OR4K17: variants seen among roughly 807,000 people sequenced by gnomAD.
The protein encoded by OR4K17 is olfactory receptor 4K17.
For missense variants in OR4K17, 480 were observed against 366.3 expected (o/e 1.31, Z -2.53); for synonymous variants, 157 against 132.8 (o/e 1.18, Z -1.25).
intron 1 of OR4K17, among the ~76,000 whole-genome samples, chr14:20,116,511 T>A (rs948720482): frequency 2.0e-5 from 3 of 152,164 alleles, no homozygotes; most frequent in African/African-American, 7.2e-5. Context: ...TAAATGTGAA[T>A]GGAGTTCTAG....
At chr14:20,113,725 G>C (rs191299568) in intron 1 of OR4K17, among the ~76,000 whole-genome samples, 69 of 151,976 alleles carry the variant, frequency 4.5e-4, no homozygotes, top group African/African-American at 1.7e-3. Context: ...ACCCTGCTTG[G>C]AGTGACTATA....
rs138358295 is a variant in OR4K17, at chr14:20,117,595, G to T, written c.96G>T (p.Ser32=). ...DVEFLLFALF[S]VIYVVTVLGN... is the part of the protein sequence containing the mutation. ...AGTTTCTTCTCTTTGCCCTCTTCTC[G>T]GTTATCTATGTGGTCACAGTTTTGG... is the stretch of plus-strand genomic sequence containing the variant. Residue 32 remains serine, a synonymous_variant, in exon 2 of 2, where the codon TCG becomes TCT. Coordinates refer to ENST00000641386, the MANE Select transcript of OR4K17 (RefSeq NM_001004715.5). 1 of 1,613,754 alleles carries T rather than the reference G, an allele frequency of 6.2e-7. No individual in the cohort carries two copies. The highest frequency in any genetic ancestry group is 1.1e-5 in the South Asian group (1 of 91,036).
At chr14:20,114,250 T>C (rs1877940196) in intron 1 of OR4K17, among the ~76,000 whole-genome samples, 1 of 152,040 alleles carries the variant, frequency 6.6e-6, no homozygotes, top group African/African-American at 2.4e-5. Context: ...TAATTTATTA[T>C]ATTTTTCCAT....
At position 20,118,599 on chromosome 14, in the gene OR4K17, A is replaced by T; in HGVS notation, c.*161A>T. On this transcript the variant is annotated 3_prime_UTR_variant, in exon 2 of 2. Coordinates refer to ENST00000641386, the MANE Select transcript of OR4K17 (RefSeq NM_001004715.5). Reference sequence around the variant, plus strand: ...TCTGAGAAATAAAGGGAAAGAATACAAAAGAGAGAAATTTTAAAGCTGGGT... The same window carrying T: ...TCTGAGAAATAAAGGGAAAGAATACTAAAGAGAGAAATTTTAAAGCTGGGT... 7.6e-6 allele frequency: 4 copies of T among 525,666 alleles called. No homozygotes were observed. The highest frequency in any genetic ancestry group is 1.3e-5 in the Non-Finnish European group (4 of 301,618). The allele number at this position is 525,666 out of a possible 1,614,324, so 32.6% of individuals were successfully genotyped here.
intron 1 of OR4K17, among the ~76,000 whole-genome samples, chr14:20,115,070 G>C (rs779494090): frequency 2.8e-4 from 43 of 151,834 alleles, no homozygotes; most frequent in Non-Finnish European, 5.3e-4. Flanking sequence ...CATAGTCTTG[G>C]GCATATTATT....
At chr14:20,117,414 T>C in intron 1 of OR4K17, 54 bp from the exon 2 acceptor site, 1 of 1,580,674 alleles carries the variant, frequency 6.3e-7, no homozygotes, top group Non-Finnish European at 8.5e-7. Flanking sequence ...CATATGGCTC[T>C]TTATTTTTCA....
rs117501345 is a variant in OR4K17 at position 20,117,205 on chromosome 14, G to T, written c.-32-263G>T. ...TCCTGAAGATGGTTCTATCTCTTTT[G>T]TCCTATGAAGATACACTTATATGCT... On this transcript the variant is annotated intron_variant, in intron 1 of 1. Transcript: ENST00000641386. Among the ~76,000 whole-genome samples, 728 of 152,214 alleles carry T rather than the reference G, an allele frequency of 4.8e-3. 8 individuals are homozygous for T. The highest frequency in any genetic ancestry group is 0.01 in the South Asian group (50 of 4,816).
At chr14:20,115,672 A>C (rs1877975779) in intron 1 of OR4K17, among the ~76,000 whole-genome samples, 3 of 152,026 alleles carry the variant, frequency 2.0e-5, no homozygotes, top group African/African-American at 7.2e-5. Flanking sequence ...TATATTTTAA[A>C]CTTTCTGAAG....
rs1878039975 is a variant in OR4K17, at chr14:20,117,809, C to T, written c.310C>T (p.Leu104Phe). The change falls in exon 2 of 2, where the codon CTT becomes TTT. Residue 104 changes from leucine to phenylalanine, a missense_variant. Coordinates refer to ENST00000641386, the MANE Select transcript of OR4K17 (RefSeq NM_001004715.5). ...FAGCFTQIFL[L>F]HLLGGVEMVL... ...TGGGTGCTTCACTCAGATATTTCTCCTTCACTTACTGGGTGGGGTTGAAAT... is the reference window on the plus strand; with the variant it reads ...TGGGTGCTTCACTCAGATATTTCTCTTTCACTTACTGGGTGGGGTTGAAAT... The T allele has an allele frequency of 6.2e-7, 1 of 1,614,116 alleles. No homozygotes were observed. The highest frequency in any genetic ancestry group is 2.2e-5 in the East Asian group (1 of 44,872).
chr14:20,119,610 CTTGGCTGACTTGAGG>C lies in OR4K17; in HGVS notation c.*1174_*1188del, dbSNP rs1878110884. The C allele has an allele frequency of 6.6e-6, 1 of 152,272 alleles. No individual in the cohort carries two copies. The allele number at this position is 152,272 out of a possible 1,614,324, so 9.4% of individuals were successfully genotyped here. ...CCGCAACAGAGCCAAGGCAGGTTGCCTTGGCTGACTTGAGGTCAGGAGTTTGAGACCAGCCTGGCC... is the reference window on the plus strand; with the variant it reads ...CCGCAACAGAGCCAAGGCAGGTTGCCTCAGGAGTTTGAGACCAGCCTGGCC... On this transcript the variant is annotated 3_prime_UTR_variant, in exon 2 of 2. Transcript: ENST00000641386.
intron 1 of OR4K17, among the ~76,000 whole-genome samples, chr14:20,114,105 T>A (rs1877936540): frequency 1.3e-5 from 2 of 152,026 alleles, no homozygotes; most frequent in African/African-American, 4.8e-5. Flanking sequence ...AAAGGATACA[T>A]TCTTTTTACA....
Position 20,118,342 on chromosome 14 carries a change from C to CT in OR4K17, c.845dup (p.Leu282PhefsTer28). On this transcript the variant is annotated frameshift_variant, in exon 2 of 2. Coordinates refer to ENST00000641386, the MANE Select transcript of OR4K17 (RefSeq NM_001004715.5). LOFTEE classifies it low-confidence loss of function (END_TRUNC). ...TGTTTTATACCATCATCACTCCTAT[C>CT]TTGAATCCAATTATCTATACTCTGA... 6.2e-7 allele frequency: 1 copy of CT among 1,612,056 alleles called. No homozygotes were observed. The highest frequency in any genetic ancestry group is 8.5e-7 in the Non-Finnish European group (1 of 1,178,192).
Position 20,118,570 on chromosome 14 carries a change from C to G in OR4K17, c.*132C>G. On this transcript the variant is annotated 3_prime_UTR_variant, in exon 2 of 2. Transcript: ENST00000641386. The stretch of plus-strand genomic sequence containing the variant: ...CTTTTCTATTTTCCCTAAGTGTTGA[C>G]TGGTCTGAGAAATAAAGGGAAAGAA... 1.7e-6 allele frequency: 1 copy of G among 597,818 alleles called. No homozygotes were observed. Among genetic ancestry groups the G allele is most frequent in the South Asian group, 2.2e-5 (1 of 44,626 alleles). The allele number at this position is 597,818 out of a possible 1,614,324, so 37.0% of individuals were successfully genotyped here. A position where few individuals can be genotyped will look rare whatever the true frequency, so the allele number is the denominator to read the frequency against.
At position 20,122,037 on chromosome 14, in the gene OR4K17, A is replaced by G. The variant is rs1036002196; in HGVS notation, c.*3599A>G. 6.6e-6 allele frequency: 1 copy of G among 152,130 alleles called. No individual in the cohort carries two copies. The highest frequency in any genetic ancestry group is 2.4e-5 in the African/African-American group (1 of 41,460). 9.4% of individuals were successfully genotyped at this position (152,130 alleles called of 1,614,324 possible). A position where few individuals can be genotyped will look rare whatever the true frequency, so the allele number is the denominator to read the frequency against. On this transcript the variant is annotated 3_prime_UTR_variant, in exon 2 of 2. Coordinates refer to ENST00000641386, the MANE Select transcript of OR4K17 (RefSeq NM_001004715.5). ...TTTTGTATAAGGGACTTAAGCATCT[A>G]TAGATTTTGATAATCACAGGGAGGT...
rs374774223 is a variant in OR4K17 at position 20,117,494 on chromosome 14, G to C, written c.-6G>C. 6.2e-7 allele frequency: 1 copy of C among 1,613,498 alleles called. No individual in the cohort carries two copies. Among genetic ancestry groups the C allele is most frequent in the South Asian group, 1.1e-5 (1 of 91,050 alleles). On this transcript the variant is annotated 5_prime_UTR_variant, in exon 2 of 2. Transcript: ENST00000641386. Reference sequence around the variant, plus strand: ...TCATCCAAGAGCGAGCTGTAGGATGGAGGCCATGAAACTATTAAATCAATC... The same window carrying C: ...TCATCCAAGAGCGAGCTGTAGGATGCAGGCCATGAAACTATTAAATCAATC...
At chr14:20,113,023 C>T (rs985652041) in intron 1 of OR4K17, among the ~76,000 whole-genome samples, 1 of 151,906 alleles carries the variant, frequency 6.6e-6, no homozygotes, top group African/African-American at 2.4e-5. Flanking sequence ...ATTTTTGACA[C>T]AGCTATTGAT....
rs775246222 is a variant in OR4K17, at chr14:20,117,808, C to T, written c.309C>T (p.Leu103=). The change falls in exon 2 of 2, where the codon CTC becomes CTT. Residue 103 remains leucine (L), a synonymous_variant. Coordinates refer to ENST00000641386, the MANE Select transcript of OR4K17 (RefSeq NM_001004715.5). ...SFAGCFTQIF[L]LHLLGGVEMV... is the part of the protein sequence containing the mutation. ...CTGGGTGCTTCACTCAGATATTTCT[C>T]CTTCACTTACTGGGTGGGGTTGAAA... 1 of 1,614,114 alleles carries T rather than the reference C, an allele frequency of 6.2e-7. No individual in the cohort carries two copies. The highest frequency in any genetic ancestry group is 1.7e-5 in the Admixed American group (1 of 60,016).
At position 20,119,263 on chromosome 14, in the gene OR4K17, C is replaced by T. The variant is rs1878101066; in HGVS notation, c.*825C>T. 1 of 152,140 alleles carries T rather than the reference C, an allele frequency of 6.6e-6. No individual in the cohort carries two copies. The highest frequency in any genetic ancestry group is 2.1e-4 in the South Asian group (1 of 4,826). The allele number at this position is 152,140 out of a possible 1,614,324, so 9.4% of individuals were successfully genotyped here. On this transcript the variant is annotated 3_prime_UTR_variant, in exon 2 of 2. Coordinates refer to ENST00000641386, the MANE Select transcript of OR4K17 (RefSeq NM_001004715.5). ...GTGCCCAGATTTCATATTGTTTAAACACACATGCTTTATGAACAATTTGTG... is the reference window on the plus strand; with the variant it reads ...GTGCCCAGATTTCATATTGTTTAAATACACATGCTTTATGAACAATTTGTG...
rs973638561 is a variant in OR4K17 at position 20,121,412 on chromosome 14, A to T, written c.*2974A>T. 4 of 152,236 alleles carry T rather than the reference A, an allele frequency of 2.6e-5. No individual in the cohort carries two copies. Among genetic ancestry groups the T allele is most frequent in the Non-Finnish European group, 4.4e-5 (3 of 68,038 alleles). 9.4% of individuals were successfully genotyped at this position (152,236 alleles called of 1,614,324 possible). On this transcript the variant is annotated 3_prime_UTR_variant, in exon 2 of 2. Coordinates refer to ENST00000641386, the MANE Select transcript of OR4K17 (RefSeq NM_001004715.5). Reference sequence around the variant, plus strand: ...TGATGAAGAGATTGAAATAGTTTTTAAAATTCCAGAAATTTGTTTAAAAAT... The same window carrying T: ...TGATGAAGAGATTGAAATAGTTTTTTAAATTCCAGAAATTTGTTTAAAAAT...
Sources: gnomAD v4.1 joint callset for allele counts (sites outside exome capture counted in the v4.1 genomes callset) on GRCh38, gnomAD v4.1.1 for gene constraint, MANE v1.5 for transcripts, NCBI Gene and HGNC (gene_info 2026-07-23, HGNC 2026-07-21) for gene names.